The following GPM6B variants were observed in gnomAD, a reference collection of about 807,000 sequenced individuals.
The protein encoded by GPM6B is glycoprotein M6B, also known as neuronal membrane glycoprotein M6-b.
In GPM6B, 4 loss-of-function variants were observed where a neutral mutation model predicts 27.2. That is an observed-to-expected ratio of 0.15 (90% CI 0.07 to 0.34). The LOEUF is 0.34. Ranked by LOEUF, GPM6B falls within the 10% of genes least tolerant of loss-of-function variation. GPM6B has a pLI of 1.00. For missense variants in GPM6B, 183 were observed against 261.9 expected, an observed-to-expected ratio of 0.70 and a Z score of 2.08; for synonymous variants, 124 against 103.1, an observed-to-expected ratio of 1.20 and a Z score of -1.23.
chrX:13,780,015 A>G (rs778466618), intron 4 of GPM6B, 26 bp from the exon 5 acceptor site: 9 of 1,137,025 alleles, frequency 7.9e-6, no homozygotes, highest in Middle Eastern at 2.5e-4. Context: ...AGGAAGGACA[A>G]TCATCACTGA....
chrX:13,810,048 G>A (rs1237176411), intron 1 of GPM6B, among the ~76,000 whole-genome samples: 1 of 110,037 alleles, frequency 9.1e-6, no homozygotes, highest in Non-Finnish European at 1.9e-5. Context: ...AACCTGGGAG[G>A]TGGAGGTTGC....
intron 1 of GPM6B, among the ~76,000 whole-genome samples, chrX:13,852,668 T>C (rs912819377): frequency 2.7e-5 from 3 of 111,644 alleles, no homozygotes; most frequent in Non-Finnish European, 5.6e-5. Context: ...CAGTCATTCC[T>C]AGTGTGAATG....
chrX:13,936,113 T>C (rs902796058), intron 1 of GPM6B, among the ~76,000 whole-genome samples: 2 of 111,747 alleles, frequency 1.8e-5, no homozygotes, highest in Non-Finnish European at 3.8e-5. Flanking sequence ...TAACATTAGA[T>C]AGTAGTGATG....
intron 1 of GPM6B, among the ~76,000 whole-genome samples, chrX:13,860,709 T>C (rs1426050887): frequency 9.1e-6 from 1 of 110,113 alleles, no homozygotes; most frequent in East Asian, 2.8e-4. Context: ...AGTGGTGATT[T>C]CTGAGATTTT....
At position 13,913,871 on chromosome X, in the gene GPM6B, C is replaced by T. The variant is rs182322704; in HGVS notation, c.-198+24456G>A. Among the ~76,000 whole-genome samples, 14 of 111,337 alleles carry T rather than the reference C, an allele frequency of 1.3e-4. No individual in the cohort carries two copies. The East Asian group carries it at 3.4e-3, about 27-fold the overall frequency. The stretch of plus-strand genomic sequence containing the variant: ...GGCTCAAGCAATCCTCCCATCTCAG[C>T]CTCCCGAGTAGCTGGGACCACAGGC... On this transcript the variant is annotated intron_variant, in intron 1 of 6. Coordinates refer to the GPM6B transcript ENST00000398361.
chrX:13,865,518 C>G (rs1350931417), intron 1 of GPM6B, among the ~76,000 whole-genome samples: 3 of 52,008 alleles, frequency 5.8e-5, no homozygotes, highest in African/African-American at 2.2e-4. Context: ...GATCACTGGA[C>G]CACACGGTAA....
intron 1 of GPM6B, among the ~76,000 whole-genome samples, chrX:13,864,317 C>G (rs779948471): frequency 8.9e-6 from 1 of 112,944 alleles, no homozygotes; most frequent in Non-Finnish European, 1.9e-5. Context: ...CCTTGCCTAG[C>G]ATTGCTGCCA....
chrX:13,864,734 T>C (rs1356818303), intron 1 of GPM6B, among the ~76,000 whole-genome samples: 1 of 111,445 alleles, frequency 9.0e-6, no homozygotes, highest in Admixed American at 9.5e-5. Context: ...AGACAGAGAA[T>C]GGCATGAATT....
chrX:13,837,168 A>G, intron 1 of GPM6B, among the ~76,000 whole-genome samples: 1 of 112,238 alleles, frequency 8.9e-6, no homozygotes, highest in East Asian at 2.8e-4. Flanking sequence ...GTATGAAACC[A>G]CGACATGACA....
At chrX:13,875,858 A>C (rs1484070302) in intron 1 of GPM6B, among the ~76,000 whole-genome samples, 2 of 112,015 alleles carry the variant, frequency 1.8e-5, no homozygotes, top group Non-Finnish European at 3.8e-5. Flanking sequence ...AGTGGTTGCC[A>C]GAGGTGGGGG....
chrX:13,833,425 A>T (rs572738664), intron 1 of GPM6B, among the ~76,000 whole-genome samples: 1 of 109,502 alleles, frequency 9.1e-6, no homozygotes, highest in African/African-American at 3.3e-5. Flanking sequence ...CACTTTAAAA[A>T]TTGTGTCAGC....
At chrX:13,889,081 T>A (rs934287012) in intron 1 of GPM6B, 3 of 111,714 alleles carry the variant, frequency 2.7e-5, no homozygotes, top group Non-Finnish European at 3.8e-5. Flanking sequence ...TATAAACTAC[T>A]GATGCCCAAC....
At chrX:13,920,464 C>T (rs1244584636) in intron 1 of GPM6B, among the ~76,000 whole-genome samples, 1 of 110,548 alleles carries the variant, frequency 9.0e-6, no homozygotes, top group African/African-American at 3.3e-5. Context: ...CAAATATTGT[C>T]TATTTCATAA....
rs752162419 is a variant in GPM6B, at chrX:13,812,044, C to CTTTT, written c.62-4276_62-4275insAAAA. Among the ~76,000 whole-genome samples the CTTTT allele has an allele frequency of 1.8e-3, 145 of 82,620 alleles. 12 individuals carry two copies. The Middle Eastern group carries it at 0.023, about 13-fold the overall frequency. 71.7% of individuals were successfully genotyped at this position (82,620 alleles called of 115,157 possible). A position where few individuals can be genotyped will look rare whatever the true frequency, so the allele number is the denominator to read the frequency against. ...TTTCAAAGGAGAACACTTTTCTTTT[C>CTTTT]TTTCTTTTTTTTTTTTTTTTTTTGA... On this transcript the variant is annotated intron_variant, in intron 1 of 7. Coordinates refer to ENST00000316715, the MANE Select transcript of GPM6B (RefSeq NM_001001995.3).
chrX:13,787,144 T>C (rs1174380265), intron 2 of GPM6B, among the ~76,000 whole-genome samples: 1 of 110,217 alleles, frequency 9.1e-6, no homozygotes, highest in Non-Finnish European at 1.9e-5. Context: ...GTTTTCATTT[T>C]AGTGAGCATT....
chrX:13,911,289 C>T (rs774103039), intron 1 of GPM6B, among the ~76,000 whole-genome samples: 9 of 112,123 alleles, frequency 8.0e-5, no homozygotes, highest in Non-Finnish European at 1.5e-4. Flanking sequence ...TATATGGTCA[C>T]AGAACTTTTA....
At chrX:13,795,590 C>T (rs1016627968) in intron 2 of GPM6B, among the ~76,000 whole-genome samples, 7 of 111,755 alleles carry the variant, frequency 6.3e-5, no homozygotes, top group African/African-American at 2.0e-4. Context: ...AAATGTAAAA[C>T]AGTCCTATTC....
chrX:13,865,567 G>GA (rs2049904786), intron 1 of GPM6B, among the ~76,000 whole-genome samples: 8 of 47,487 alleles, frequency 1.7e-4, no homozygotes, highest in Non-Finnish European at 2.6e-4. Flanking sequence ...AAAAAAGAAA[G>GA]AAAGAAAGAA....
chrX:13,887,146 C>T (rs2050145109), intron 1 of GPM6B, among the ~76,000 whole-genome samples: 1 of 112,278 alleles, frequency 8.9e-6, no homozygotes, highest in Non-Finnish European at 1.9e-5. Context: ...ACGACATTAA[C>T]TGCCATCCTA....
Sources: allele counts gnomAD v4.1 joint callset (sites outside exome capture counted in the v4.1 genomes callset), GRCh38; gene constraint gnomAD v4.1.1; transcripts MANE v1.5; gene names NCBI Gene and HGNC (gene_info 2026-07-23, HGNC 2026-07-21).